The following KIF13B variants were observed in gnomAD, a reference collection of about 807,000 sequenced individuals.
KIF13B encodes kinesin family member 13B.
In KIF13B, 127 loss-of-function variants were observed where a neutral mutation model predicts 222.0. The observed-to-expected ratio is 0.57, with a 90% CI of 0.50 to 0.66. The LOEUF (loss-of-function observed/expected upper bound fraction) is 0.66, where lower values mean the gene tolerates loss of function less well. Ranked by LOEUF, KIF13B falls within the 30% of genes least tolerant of loss-of-function variation. The probability of loss-of-function intolerance (pLI) is 0.00; values close to 1 mark genes in which losing one functional copy is unlikely to be tolerated. For synonymous variants in KIF13B, 976 were observed against 919.0 expected (o/e 1.06, Z -1.12); for missense variants, 2,173 against 2,379.0 (o/e 0.91, Z 1.80).
intron 29 of KIF13B, among the ~76,000 whole-genome samples, chr8:29,121,924 G>C (rs767829610): frequency 6.6e-6 from 1 of 152,172 alleles, no homozygotes; most frequent in East Asian, 1.9e-4. Flanking sequence ...AGTATCGCTA[G>C]TTATTTGTCC....
intron 15 of KIF13B, 29 bp from the exon 16 acceptor site, chr8:29,148,796 G>A: frequency 6.5e-7 from 1 of 1,547,468 alleles, no homozygotes; most frequent in Non-Finnish European, 8.7e-7. Flanking sequence ...ATTATTTTCT[G>A]AAGTTAAGAT....
chr8:29,222,622 A>C (rs963977548), intron 2 of KIF13B, among the ~76,000 whole-genome samples: 17 of 145,528 alleles, frequency 1.2e-4, no homozygotes, highest in African/African-American at 4.1e-4. Context: ...CTTTCAGCTA[A>C]AGAATGAATT....
chr8:29,156,250 T>A (rs570833819), intron 13 of KIF13B, among the ~76,000 whole-genome samples: 4 of 152,260 alleles, frequency 2.6e-5, no homozygotes, highest in African/African-American at 9.6e-5. Flanking sequence ...GGATTACAGG[T>A]GTGAGTCACC....
In KIF13B at chr8:29,245,428, G is replaced by A. The variant is rs1210285664; in HGVS notation, c.67C>T (p.His23Tyr). 4 of 1,594,986 alleles carry A rather than the reference G, an allele frequency of 2.5e-6. No homozygotes were observed. Among genetic ancestry groups the A allele is most frequent in the Non-Finnish European group, 3.4e-6 (4 of 1,168,708 alleles). Residue 23 changes from histidine to tyrosine, a missense_variant, in exon 2 of 40, where the codon CAT (histidine) becomes TAT (tyrosine). Transcript: ENST00000524189. ...RPMNRRETDL[H>Y]TKCVVDVDAN... ...TCCACATCCACCACACATTTGGTAT[G>A]CAAGTCAGTCTCTGTGGATAAAAAA...
intron 15 of KIF13B, 27 bp from the exon 16 acceptor site, chr8:29,148,794 C>A (rs1441276642): frequency 6.4e-7 from 1 of 1,554,420 alleles, no homozygotes; most frequent in Non-Finnish European, 8.7e-7. Flanking sequence ...GTATTATTTT[C>A]TGAAGTTAAG....
At chr8:29,149,462 G>A (rs1811204266) in intron 15 of KIF13B, among the ~76,000 whole-genome samples, 1 of 152,194 alleles carries the variant, frequency 6.6e-6, no homozygotes, top group Admixed American at 6.5e-5. Context: ...ACAATATCCA[G>A]CCTGCCTGCC....
chr8:29,126,397 A>T, intron 26 of KIF13B, 85 bp downstream of exon 26: 1 of 885,910 alleles, frequency 1.1e-6, no homozygotes, highest in Admixed American at 2.4e-5. Context: ...TAATCCTTAA[A>T]TAACAGTATA....
chr8:29,112,947 TAAC>T (rs1387023714), intron 32 of KIF13B, among the ~76,000 whole-genome samples: 17 of 152,204 alleles, frequency 1.1e-4, no homozygotes, highest in African/African-American at 3.9e-4. Flanking sequence ...ATAATCATAG[TAAC>T]AACGATAGTA....
chr8:29,249,558 G>A (rs968600850), intron 1 of KIF13B, among the ~76,000 whole-genome samples: 1 of 151,710 alleles, frequency 6.6e-6, no homozygotes, highest in Admixed American at 6.6e-5. Context: ...TTAAGAGTGT[G>A]TCCACTCTCA....
chr8:29,144,970 A>G (rs1430089744), intron 18 of KIF13B, among the ~76,000 whole-genome samples: 1 of 152,200 alleles, frequency 6.6e-6, no homozygotes, highest in Non-Finnish European at 1.5e-5. Flanking sequence ...GGCTGCGGTC[A>G]TGCTTACTGG....
At chr8:29,148,505 G>T in intron 16 of KIF13B, 72 bp downstream of exon 16, 1 of 1,170,022 alleles carries the variant, frequency 8.5e-7, no homozygotes. Context: ...GAACTCCTGG[G>T]CTCAAGCGAT....
Position 29,167,200 on chromosome 8 carries a change from T to A in KIF13B, c.1158+173A>T, listed in dbSNP as rs149449494. ...AACATCTGTAAAACCTCTTTGGAAT[T>A]CTAATATGACAACCTTCCTTTATTT... is the stretch of plus-strand genomic sequence containing the variant. On this transcript the variant is annotated intron_variant, in intron 11 of 39. Coordinates refer to ENST00000524189, the MANE Select transcript of KIF13B (RefSeq NM_015254.4). 2.5e-3 allele frequency among the ~76,000 whole-genome samples: 378 copies of A among 152,352 alleles called. 5 individuals are homozygous for A. Among genetic ancestry groups the A allele is most frequent in the East Asian group, 5.0e-3 (26 of 5,192 alleles).
At chr8:29,215,161 A>C (rs957440889) in intron 2 of KIF13B, among the ~76,000 whole-genome samples, 3 of 152,036 alleles carry the variant, frequency 2.0e-5, no homozygotes, top group Admixed American at 6.6e-5. Flanking sequence ...AGTTAGGCTA[A>C]CATCCTGGAG....
chr8:29,123,100 T>TA (rs1809948922), intron 28 of KIF13B, among the ~76,000 whole-genome samples: 2 of 152,230 alleles, frequency 1.3e-5, no homozygotes, highest in African/African-American at 2.4e-5. Flanking sequence ...ACTATTTTCT[T>TA]AATGCTAAGT....
chr8:29,115,326 ATTT>A (rs371020041), intron 31 of KIF13B, among the ~76,000 whole-genome samples: 4 of 141,256 alleles, frequency 2.8e-5, no homozygotes, highest in Admixed American at 1.4e-4. Flanking sequence ...AAAAAAAAGA[ATTT>A]TTTTTTTTTT....
At chr8:29,177,141 G>A (rs1359705012) in intron 9 of KIF13B, among the ~76,000 whole-genome samples, 1 of 152,044 alleles carries the variant, frequency 6.6e-6, no homozygotes, top group Non-Finnish European at 1.5e-5. Context: ...GGGGGTGGGG[G>A]AAGAGGCGGC....
chr8:29,079,222 G>A (rs550934882), intron 37 of KIF13B, among the ~76,000 whole-genome samples: 24 of 152,150 alleles, frequency 1.6e-4, no homozygotes, highest in Non-Finnish European at 2.2e-4. Flanking sequence ...ACGCCACTCC[G>A]CCCCCGTGGA....
intron 25 of KIF13B, 124 bp from the exon 26 acceptor site, chr8:29,126,635 T>C: frequency 1.5e-6 from 1 of 680,464 alleles, no homozygotes; most frequent in African/African-American, 1.8e-5. Flanking sequence ...TACTATTTCA[T>C]CTCCCACCTA....
intron 37 of KIF13B, among the ~76,000 whole-genome samples, chr8:29,077,533 G>A (rs534869787): frequency 1.3e-5 from 2 of 152,230 alleles, no homozygotes; most frequent in African/African-American, 2.4e-5. Context: ...CAAGATTGGG[G>A]AACAACTGTT....
Sources: gnomAD v4.1 joint callset for allele counts (sites outside exome capture counted in the v4.1 genomes callset) on GRCh38, gnomAD v4.1.1 for gene constraint, MANE v1.5 for transcripts, NCBI Gene and HGNC (gene_info 2026-07-23, HGNC 2026-07-21) for gene names.